The following ATP8A2 variants were observed in gnomAD, a reference collection of about 807,000 sequenced individuals.
The protein encoded by ATP8A2 is phospholipid-transporting ATPase IB.
ATP8A2 carries 100 observed loss-of-function variants against 165.6 expected under a neutral mutation model. The observed-to-expected ratio is 0.60, with a 90% CI of 0.51 to 0.71. The LOEUF (loss-of-function observed/expected upper bound fraction) is 0.71. Among genes scored for constraint, ATP8A2 ranks in the 30% least tolerant of loss-of-function variants. ATP8A2 has a pLI of 0.00. For synonymous variants in ATP8A2, 543 were observed against 548.8 expected (o/e 0.99, Z 0.15); for missense variants, 1,227 against 1,479.5 (o/e 0.83, Z 2.80).
At chr13:25,379,513 G>A (rs1054964093) in intron 1 of ATP8A2, among the ~76,000 whole-genome samples, 8 of 152,162 alleles carry the variant, frequency 5.3e-5, no homozygotes, top group African/African-American at 1.4e-4. Context: ...TTTGGTTACT[G>A]CACCATGGGA....
intron 1 of ATP8A2, among the ~76,000 whole-genome samples, chr13:25,450,664 T>C (rs1374360900): frequency 1.3e-5 from 2 of 152,094 alleles, no homozygotes; most frequent in Non-Finnish European, 2.9e-5. Context: ...CCCGAGTAGC[T>C]GGGACTACAG....
intron 25 of ATP8A2, among the ~76,000 whole-genome samples, chr13:25,745,739 A>G (rs1043307172): frequency 6.6e-6 from 1 of 152,234 alleles, no homozygotes; most frequent in Non-Finnish European, 1.5e-5. Flanking sequence ...AATAAAGGCC[A>G]GGATTGGTTT....
At chr13:25,811,376 T>A (rs1296277384) in intron 27 of ATP8A2, among the ~76,000 whole-genome samples, 1 of 152,196 alleles carries the variant, frequency 6.6e-6, no homozygotes, top group African/African-American at 2.4e-5. Context: ...TTGCATCAAA[T>A]TTTAAATCAA....
intron 27 of ATP8A2, among the ~76,000 whole-genome samples, chr13:25,826,879 T>G (rs1299011779): frequency 2.0e-5 from 3 of 148,178 alleles, no homozygotes; most frequent in Non-Finnish European, 4.4e-5. Flanking sequence ...CCTCCGTGTA[T>G]TCAGATTACA....
intron 2 of ATP8A2, among the ~76,000 whole-genome samples, chr13:25,503,788 A>G (rs1296706857): frequency 6.6e-6 from 1 of 152,194 alleles, no homozygotes; most frequent in Non-Finnish European, 1.5e-5. Flanking sequence ...CCTTAATGGC[A>G]AGTTTGGTGT....
intron 1 of ATP8A2, among the ~76,000 whole-genome samples, chr13:25,375,289 C>T (rs1266208652): frequency 2.6e-5 from 4 of 152,204 alleles, no homozygotes; most frequent in Non-Finnish European, 5.9e-5. Context: ...TCTCACAGAG[C>T]TTATGGTCTA....
chr13:26,005,038 G>A (rs1956712231), intron 35 of ATP8A2, among the ~76,000 whole-genome samples: 1 of 151,866 alleles, frequency 6.6e-6, no homozygotes, highest in Non-Finnish European at 1.5e-5. Flanking sequence ...TCAGTATTTT[G>A]GAAAAGTTTG....
chr13:25,636,273 C>T (rs913959530), intron 24 of ATP8A2, among the ~76,000 whole-genome samples: 3 of 152,168 alleles, frequency 2.0e-5, no homozygotes, highest in African/African-American at 7.2e-5. Flanking sequence ...TCTGTCTAGA[C>T]TCTTGCTCAG....
chr13:25,910,869 G>A (rs1270396466), intron 33 of ATP8A2, among the ~76,000 whole-genome samples: 2 of 151,792 alleles, frequency 1.3e-5, no homozygotes, highest in African/African-American at 2.4e-5. Context: ...TTCATGTTAA[G>A]TCCGCCTGAG....
intron 1 of ATP8A2, among the ~76,000 whole-genome samples, chr13:25,378,998 C>A (rs2032741498): frequency 6.6e-6 from 1 of 152,158 alleles, no homozygotes; most frequent in Non-Finnish European, 1.5e-5. Context: ...TATTTGTATA[C>A]TTTTCTTTTT....
chr13:25,405,864 A>G (rs1330828440), intron 1 of ATP8A2, among the ~76,000 whole-genome samples: 1 of 152,234 alleles, frequency 6.6e-6, no homozygotes. Context: ...ATTTATCCAT[A>G]GGCACACAGC....
Position 25,860,810 on chromosome 13 carries a change from G to A in ATP8A2, c.3025G>A (p.Val1009Ile). The A allele has an allele frequency of 6.3e-7, 1 of 1,594,572 alleles. No individual in the cohort carries two copies. The highest frequency in any genetic ancestry group is 8.6e-7 in the Non-Finnish European group (1 of 1,167,746). Reference protein sequence around the residue: ...FVGNIVYTYVVVTVCLKAGLE... With the variant: ...FVGNIVYTYVIVTVCLKAGLE... Reference sequence around the variant, plus strand: ...CTGTCTTTTATTTTCACAGTATGTTGTTGTTACTGTTTGTCTGAAAGCTGG... The same window carrying A: ...CTGTCTTTTATTTTCACAGTATGTTATTGTTACTGTTTGTCTGAAAGCTGG... Residue 1009 changes from valine to isoleucine, a missense_variant, in exon 32 of 37, where the codon GTT becomes ATT. This residue lies in a region of ATP8A2 where 260 missense variants were observed against 245.1 expected (regional missense o/e 1.06). Transcript: ENST00000381655.
intron 27 of ATP8A2, among the ~76,000 whole-genome samples, chr13:25,801,393 G>A (rs773002591): frequency 2.0e-5 from 3 of 152,112 alleles, no homozygotes; most frequent in African/African-American, 4.8e-5. Flanking sequence ...ATTGCCCCAC[G>A]GTTCTGGCCC....
chr13:25,954,617 C>T (rs182594427), intron 33 of ATP8A2, among the ~76,000 whole-genome samples: 166 of 152,332 alleles, frequency 1.1e-3, no homozygotes, highest in African/African-American at 4.0e-3. Context: ...AGAGCTCTGA[C>T]TGGCATCTGG....
intron 16 of ATP8A2, among the ~76,000 whole-genome samples, chr13:25,568,638 G>A (rs1287062108): frequency 6.6e-6 from 1 of 152,096 alleles, no homozygotes; most frequent in Non-Finnish European, 1.5e-5. Context: ...TGTTTAATGG[G>A]TATAGAGTTT....
intron 5 of ATP8A2, among the ~76,000 whole-genome samples, chr13:25,532,929 G>A (rs1281422505): frequency 6.6e-6 from 1 of 152,158 alleles, no homozygotes; most frequent in South Asian, 2.1e-4. Flanking sequence ...GCTTCCCAAA[G>A]TGTTAGGATT....
At chr13:25,653,415 A>G (rs999913424) in intron 24 of ATP8A2, among the ~76,000 whole-genome samples, 14 of 152,314 alleles carry the variant, frequency 9.2e-5, no homozygotes, top group African/African-American at 3.1e-4. Context: ...ACACATGGAC[A>G]CATAGAGGGG....
At chr13:25,651,649 CA>C (rs1394421573) in intron 24 of ATP8A2, among the ~76,000 whole-genome samples, 2 of 151,994 alleles carry the variant, frequency 1.3e-5, no homozygotes, top group African/African-American at 2.4e-5. Context: ...GAATTGTGAT[CA>C]GGGGAGTTTA....
chr13:25,493,191 A>G (rs1163059081), intron 2 of ATP8A2, among the ~76,000 whole-genome samples: 1 of 152,200 alleles, frequency 6.6e-6, no homozygotes, highest in Non-Finnish European at 1.5e-5. Flanking sequence ...TTTATGTAAA[A>G]TAAAGTGTAC....
Sources: gnomAD v4.1 joint callset for allele counts (sites outside exome capture counted in the v4.1 genomes callset) on GRCh38, gnomAD v4.1.1 for gene constraint, gnomAD v4.1.1 regional missense constraint, MANE v1.5 for transcripts, NCBI Gene and HGNC (gene_info 2026-07-23, HGNC 2026-07-21) for gene names.